The following BCKDHB variants were observed in gnomAD, a reference collection of about 807,000 sequenced individuals.
The protein encoded by BCKDHB is branched chain keto acid dehydrogenase E1 subunit beta.
Under a neutral mutation model 48.5 loss-of-function variants are expected in BCKDHB, and 41 were observed. The ratio of observed to expected loss-of-function variants is 0.85; its 90% CI spans 0.66 to 1.10. BCKDHB has a LOEUF of 1.10. Ranked by LOEUF, BCKDHB falls within the 50% of genes least tolerant of loss-of-function variation. The pLI, the probability that BCKDHB is intolerant of heterozygous loss-of-function variation, is 0.00. For synonymous variants in BCKDHB, 201 were observed against 174.8 expected, an observed-to-expected ratio of 1.15 and a Z score of -1.18; for missense variants, 496 against 494.2, an observed-to-expected ratio of 1.00 and a Z score of -0.03.
intron 6 of BCKDHB, among the ~76,000 whole-genome samples, chr6:80,187,611 G>A (rs1717658519): frequency 1.3e-5 from 2 of 152,032 alleles, no homozygotes; most frequent in African/African-American, 4.8e-5. Context: ...AGAATCTGAG[G>A]AACTTGAACA....
chr6:80,190,373 G>A (rs1299798136), intron 6 of BCKDHB, among the ~76,000 whole-genome samples: 9 of 152,164 alleles, frequency 5.9e-5, no homozygotes, highest in Non-Finnish European at 1.2e-4. Context: ...CTTGATATAT[G>A]TTTATATTTA....
At chr6:80,173,802 C>CTTTTT (rs66729845) in intron 6 of BCKDHB, among the ~76,000 whole-genome samples, 1 of 137,324 alleles carries the variant, frequency 7.3e-6, no homozygotes, top group African/African-American at 2.7e-5. Context: ...TCTACTTTTC[C>CTTTTT]TTTTTTTTTT....
At chr6:80,359,198 C>G in the BCKDHB span, among the ~76,000 whole-genome samples, 1 of 152,210 alleles carries the variant, frequency 6.6e-6, no homozygotes, top group Non-Finnish European at 1.5e-5. Flanking sequence ...CAAAGCCTCT[C>G]CCTCTCAGCC....
At chr6:80,280,685 G>A (rs972253821) in intron 9 of BCKDHB, among the ~76,000 whole-genome samples, 1 of 152,208 alleles carries the variant, frequency 6.6e-6, no homozygotes, top group African/African-American at 2.4e-5. Flanking sequence ...AGTATAGTCT[G>A]TGATGTTTGC....
intron 9 of BCKDHB, among the ~76,000 whole-genome samples, chr6:80,315,295 G>A (rs1768383968): frequency 2.6e-5 from 4 of 152,172 alleles, no homozygotes; most frequent in African/African-American, 9.7e-5. Flanking sequence ...GGGCTCATGA[G>A]GGGATCTCCA....
At chr6:80,129,648 T>C (rs916457672) in intron 3 of BCKDHB, among the ~76,000 whole-genome samples, 1 of 152,062 alleles carries the variant, frequency 6.6e-6, no homozygotes, top group African/African-American at 2.4e-5. Flanking sequence ...GGATTTAGTT[T>C]TTAAGGAACT....
chr6:80,197,686 T>C (rs1386976325), intron 6 of BCKDHB, among the ~76,000 whole-genome samples: 2 of 152,298 alleles, frequency 1.3e-5, no homozygotes, highest in South Asian at 2.1e-4. Context: ...ACAAGTAAGA[T>C]GGAATGTGTA....
the BCKDHB span, among the ~76,000 whole-genome samples, chr6:80,459,359 CA>C: frequency 6.6e-6 from 1 of 152,054 alleles, no homozygotes; most frequent in Non-Finnish European, 1.5e-5. Flanking sequence ...GAACATTTAG[CA>C]AAATAAATAA....
At chr6:80,307,978 C>T (rs1197042989) in intron 9 of BCKDHB, 5 of 922,570 alleles carry the variant, frequency 5.4e-6, no homozygotes, top group Admixed American at 1.2e-4. Context: ...ATGCCAGATA[C>T]TGCAAAGAAT....
intron 6 of BCKDHB, among the ~76,000 whole-genome samples, chr6:80,182,527 G>A (rs1191819179): frequency 1.3e-5 from 2 of 152,114 alleles, no homozygotes; most frequent in East Asian, 3.9e-4. Context: ...AATACCATGA[G>A]TCATGTGTTT....
At chr6:80,203,282 A>G in intron 8 of BCKDHB, 70 bp downstream of exon 8, 14 of 1,121,644 alleles carry the variant, frequency 1.2e-5, no homozygotes, top group Middle Eastern at 2.0e-4. Flanking sequence ...ATATTTGCAA[A>G]TAATTCTTTT....
chr6:80,154,640 A>C lies in BCKDHB; in HGVS notation c.344-13038A>C, dbSNP rs570087519. 1.2e-3 allele frequency among the ~76,000 whole-genome samples: 186 copies of C among 152,280 alleles called. 1 individual carries two copies. The highest frequency in any genetic ancestry group is 5.0e-3 in the South Asian group (24 of 4,832). On this transcript the variant is annotated intron_variant, in intron 3 of 9. Transcript: ENST00000320393. Reference sequence around the variant, plus strand: ...AAGAAGACCTAAATTTTAGGTATCAAAATTATTTTTATTTTATACTTTAAG... The same window carrying C: ...AAGAAGACCTAAATTTTAGGTATCACAATTATTTTTATTTTATACTTTAAG...
chr6:80,435,502 C>A, the BCKDHB span, among the ~76,000 whole-genome samples: 1 of 152,094 alleles, frequency 6.6e-6, no homozygotes, highest in Admixed American at 6.6e-5. Flanking sequence ...ACATTCTAGT[C>A]TTAGTTTGTC....
intron 1 of BCKDHB, among the ~76,000 whole-genome samples, chr6:80,115,368 C>G (rs1769633030): frequency 6.6e-6 from 1 of 152,084 alleles, no homozygotes; most frequent in Non-Finnish European, 1.5e-5. Context: ...CTCCCTCAGT[C>G]TTATTTTATG....
chr6:80,106,718 G>A lies in BCKDHB; in HGVS notation c.25G>A (p.Gly9Ser), dbSNP rs571728255. The A allele has an allele frequency of 1.0e-4, 157 of 1,552,594 alleles. 1 individual carries two copies. In the South Asian group the frequency reaches 1.7e-3, roughly 17 times the overall value. Residue 9 changes from glycine (G) to serine (S), a missense_variant, in exon 1 of 10, where the codon GGC (glycine) becomes AGC (serine). Physicochemically the swap from Gly to Ser is moderately conservative, Grantham distance 56. Transcript: ENST00000320393. ...GATGGCGGTTGTAGCGGCGGCTGCC[G>A]GCTGGCTACTCAGGCTCAGGGCGGC... Reference protein sequence around the residue: MAVVAAAAGWLLRLRAAGA... With the variant: MAVVAAAASWLLRLRAAGA...
At chr6:80,235,673 G>T (rs1582412887) in intron 8 of BCKDHB, among the ~76,000 whole-genome samples, 1 of 152,296 alleles carries the variant, frequency 6.6e-6, no homozygotes, top group South Asian at 2.1e-4. Flanking sequence ...AGGTTCTATA[G>T]AAATATTTGT....
chr6:80,190,931 C>T (rs957450228), intron 6 of BCKDHB, among the ~76,000 whole-genome samples: 1 of 152,088 alleles, frequency 6.6e-6, no homozygotes, highest in Non-Finnish European at 1.5e-5. Flanking sequence ...ACCGTTGTTC[C>T]ACAGTGTAGA....
intron 3 of BCKDHB, among the ~76,000 whole-genome samples, chr6:80,161,733 A>G (rs1772327654): frequency 6.6e-6 from 1 of 152,058 alleles, no homozygotes; most frequent in Non-Finnish European, 1.5e-5. Context: ...TCCATCCTAC[A>G]TCAGCTTTTC....
At chr6:80,335,385 G>A (rs904534305) in intron 9 of BCKDHB, among the ~76,000 whole-genome samples, 16 of 151,968 alleles carry the variant, frequency 1.1e-4, no homozygotes, top group East Asian at 7.7e-4. Context: ...GCTGCAAGTC[G>A]CTTATGTTTA....
Sources: allele counts gnomAD v4.1 joint callset (sites outside exome capture counted in the v4.1 genomes callset), GRCh38; gene constraint gnomAD v4.1.1; transcripts MANE v1.5; gene names NCBI Gene and HGNC (gene_info 2026-07-23, HGNC 2026-07-21).